Variants in ASB6 observed in about 807,000 individuals in gnomAD.
ASB6 encodes ankyrin repeat and SOCS box containing 6.
Under a neutral mutation model 28.6 loss-of-function variants are expected in ASB6, and 24 were observed. The observed-to-expected ratio is 0.84, with a 90% CI of 0.61 to 1.18. The LOEUF (loss-of-function observed/expected upper bound fraction) is 1.18, where lower values mean the gene tolerates loss of function less well. Ranked by LOEUF, ASB6 falls within the 50% of genes most tolerant of loss-of-function variation. The probability of loss-of-function intolerance (pLI) is 0.00; values close to 1 mark genes in which losing one functional copy is unlikely to be tolerated. For synonymous variants in ASB6, 267 were observed against 243.4 expected, an observed-to-expected ratio of 1.10 and a Z score of -0.90; for missense variants, 519 against 559.8, an observed-to-expected ratio of 0.93 and a Z score of 0.74.
Position 129,638,442 on chromosome 9 carries a change from G to A in ASB6, c.614C>T (p.Ala205Val). 1 of 1,610,056 alleles carries A rather than the reference G, an allele frequency of 6.2e-7. No individual in the cohort carries two copies. Among genetic ancestry groups the A allele is most frequent in the Non-Finnish European group, 8.5e-7 (1 of 1,177,134 alleles). The change falls in exon 6 of 6, where the codon GCC (alanine) becomes GTC (valine). Residue 205 changes from alanine to valine, a missense_variant. Physicochemically the swap from Ala to Val is moderately conservative, Grantham distance 64. Coordinates refer to ENST00000277458, the MANE Select transcript of ASB6 (RefSeq NM_017873.4). ...CACTGTGTCCCCATCTTTGGTGGTG[G>A]CCTTGACGTCTGCCCCTAGAAGAGC... is the stretch of plus-strand genomic sequence containing the variant. ...LLLEGGADVK[A>V]TTKDGDTVFT...
At chr9:129,639,862 C>G (rs924473444) in intron 2 of ASB6, among the ~76,000 whole-genome samples, 6 of 152,216 alleles carry the variant, frequency 3.9e-5, no homozygotes, top group African/African-American at 1.4e-4. Flanking sequence ...CCAAGCTGGT[C>G]TCCAAGTCAC....
intron 1 of ASB6, among the ~76,000 whole-genome samples, chr9:129,641,480 C>A (rs1032517218): frequency 6.6e-6 from 1 of 152,186 alleles, no homozygotes; most frequent in African/African-American, 2.4e-5. Flanking sequence ...CCTGCAGGTC[C>A]ACGACAGACC....
At chr9:129,640,813 T>A in intron 1 of ASB6, 91 bp from the exon 2 acceptor site, 1 of 1,473,096 alleles carries the variant, frequency 6.8e-7, no homozygotes, top group East Asian at 2.4e-5. Context: ...CCTGCTATCA[T>A]CATCAGCAAG....
At chr9:129,641,001 A>T (rs1831684691) in intron 1 of ASB6, 1 of 392,292 alleles carries the variant, frequency 2.5e-6, no homozygotes, top group Admixed American at 4.8e-5. Context: ...ACAAAGCCTC[A>T]CACACCTGGG....
At chr9:129,639,643 GT>G in intron 2 of ASB6, 135 bp from the exon 3 acceptor site, 2 of 775,434 alleles carry the variant, frequency 2.6e-6, no homozygotes, top group Non-Finnish European at 4.1e-6. Flanking sequence ...ACCATCAAGG[GT>G]TAGGACAGAG....
At position 129,637,628 on chromosome 9, in the gene ASB6, C is replaced by T. The variant is rs1831587720; in HGVS notation, c.*162G>A. On this transcript the variant is annotated 3_prime_UTR_variant, in exon 6 of 6. Coordinates refer to ENST00000277458, the MANE Select transcript of ASB6 (RefSeq NM_017873.4). ...AGAACCAGAGCTGCACCCTTCACCA[C>T]TGGAGTGATCACAGCTTCAGGCTCT... 9.0e-6 allele frequency: 6 copies of T among 667,276 alleles called. No individual in the cohort carries two copies. The highest frequency in any genetic ancestry group is 1.4e-5 in the Non-Finnish European group (6 of 431,612). The allele number at this position is 667,276 out of a possible 1,614,324, so 41.3% of individuals were successfully genotyped here.
At position 129,638,211 on chromosome 9, in the gene ASB6, T is replaced by G. The variant is rs1344402071; in HGVS notation, c.845A>C (p.Glu282Ala). The change falls in exon 6 of 6, where the codon GAG becomes GCG. Residue 282 changes from glutamate to alanine, a missense_variant. Physicochemically the swap from Glu to Ala is moderately radical, Grantham distance 107 (BLOSUM62 -1). Coordinates refer to ENST00000277458, the MANE Select transcript of ASB6 (RefSeq NM_017873.4). Reference sequence around the variant, plus strand: ...GGAGCAGTTGTAGGCGGCTCCGGACTCCAGGAGGAAGCGCAGGAGAGGGAA... The same window carrying G: ...GGAGCAGTTGTAGGCGGCTCCGGACGCCAGGAGGAAGCGCAGGAGAGGGAA... ...LHFPLLRFLL[E>A]SGAAYNCSLH... 1.9e-6 allele frequency: 3 copies of G among 1,613,534 alleles called. No individual in the cohort carries two copies. Among genetic ancestry groups the G allele is most frequent in the Non-Finnish European group, 2.5e-6 (3 of 1,179,834 alleles).
intron 2 of ASB6, 89 bp from the exon 3 acceptor site, chr9:129,639,597 C>T (rs1362734259): frequency 4.2e-6 from 5 of 1,177,056 alleles, no homozygotes; most frequent in Non-Finnish European, 6.0e-6. Context: ...AAACTCCCAC[C>T]TAAAGTGTCC....
chr9:129,639,070 C>G, intron 4 of ASB6, 132 bp downstream of exon 4: 1 of 899,550 alleles, frequency 1.1e-6, no homozygotes, highest in South Asian at 1.7e-5. Flanking sequence ...CCTGTGTGCC[C>G]AGCCATGCTG....
In ASB6 at chr9:129,639,423, G is replaced by A. The variant is rs375966860; in HGVS notation, c.381C>T (p.Ala127=). ...DMVELLVHHG[A]DVNRRDRIHE... Reference sequence around the variant, plus strand: ...TTACCCGGTCCCTCCGATTAACGTCGGCCCCGTGATGCACCAGCAGCTCCA... The same window carrying A: ...TTACCCGGTCCCTCCGATTAACGTCAGCCCCGTGATGCACCAGCAGCTCCA... Residue 127 remains alanine, a synonymous_variant, in exon 3 of 6, where the codon GCC becomes GCT. Transcript: ENST00000277458. The A allele has an allele frequency of 5.0e-6, 8 of 1,612,764 alleles. No individual in the cohort carries two copies. Among genetic ancestry groups the A allele is most frequent in the Middle Eastern group, 1.6e-4 (1 of 6,080 alleles).
Position 129,639,387 on chromosome 9 carries a change from G to A in ASB6, c.402+15C>T. On this transcript the variant is annotated intron_variant, in intron 3 of 5. Transcript: ENST00000277458. Reference sequence around the variant, plus strand: ...GCCCAACCCTGCTTCAAAGCAAGCTGGACCTGGCACTTACCCGGTCCCTCC... The same window carrying A: ...GCCCAACCCTGCTTCAAAGCAAGCTAGACCTGGCACTTACCCGGTCCCTCC... 6.2e-7 allele frequency: 1 copy of A among 1,604,078 alleles called. No individual in the cohort carries two copies. The highest frequency in any genetic ancestry group is 8.5e-7 in the Non-Finnish European group (1 of 1,172,062).
rs1456670702 is a variant in ASB6 at position 129,638,687 on chromosome 9, G to A, written c.512-28C>T. ...AGGGAGGGAGGGAGAGCAAGGAGGA[G>A]CAGGAGGCCAGGAAGCCCAGGTCAG... is the stretch of plus-strand genomic sequence containing the variant. On this transcript the variant is annotated intron_variant, in intron 4 of 5. Coordinates refer to ENST00000277458, the MANE Select transcript of ASB6 (RefSeq NM_017873.4). 3.1e-6 allele frequency: 5 copies of A among 1,595,334 alleles called. No homozygotes were observed. The African/African-American group carries it at 6.7e-5, about 21-fold the overall frequency.
intron 5 of ASB6, 29 bp from the exon 6 acceptor site, chr9:129,638,486 G>A (rs1216725761): frequency 4.4e-6 from 7 of 1,608,152 alleles, no homozygotes; most frequent in Non-Finnish European, 6.0e-6. Flanking sequence ...AAGAGATGCT[G>A]GGAGAAGGCC....
Position 129,638,212 on chromosome 9 carries a change from C to G in ASB6, c.844G>C (p.Glu282Gln), listed in dbSNP as rs779422763. 8 of 1,613,516 alleles carry G rather than the reference C, an allele frequency of 5.0e-6. No homozygotes were observed. The highest frequency in any genetic ancestry group is 1.7e-4 in the Middle Eastern group (1 of 6,060). ...GAGCAGTTGTAGGCGGCTCCGGACT[C>G]CAGGAGGAAGCGCAGGAGAGGGAAG... Reference protein sequence around the residue: ...LHFPLLRFLLESGAAYNCSLH... With the variant: ...LHFPLLRFLLQSGAAYNCSLH... The change falls in exon 6 of 6, where the codon GAG becomes CAG. Residue 282 changes from glutamate (E) to glutamine (Q), a missense_variant. Transcript: ENST00000277458.
chr9:129,635,202 C>T lies in ASB6; in HGVS notation c.*2588G>A, dbSNP rs112843113. On this transcript the variant is annotated 3_prime_UTR_variant, in exon 6 of 6. Coordinates refer to ENST00000277458, the MANE Select transcript of ASB6 (RefSeq NM_017873.4). ...GCCCTGGTAACCTTGCCTCTGCCCT[C>T]CCCAGGCCACCTCACCGATCAGCAC... The T allele has an allele frequency of 3.1e-6, 5 of 1,605,176 alleles. No homozygotes were observed. The African/African-American group carries it at 5.3e-5, about 17-fold the overall frequency.
intron 1 of ASB6, 62 bp from the exon 2 acceptor site, chr9:129,640,784 T>C: frequency 6.3e-7 from 1 of 1,588,530 alleles, no homozygotes; most frequent in South Asian, 1.1e-5. Flanking sequence ...GCGCAGCCTG[T>C]GGGTTGGTGG....
chr9:129,640,629 C>G lies in ASB6; in HGVS notation c.207G>C (p.Val69=), dbSNP rs2241247. The G allele has an allele frequency of 0.98, 1,576,138 of 1,614,030 alleles. 769,958 individuals are homozygous for G. The highest frequency in any genetic ancestry group is 0.98 in the Middle Eastern group (5,945 of 6,036). Residue 69 remains valine, a synonymous_variant, in exon 2 of 6, where the codon GTG becomes GTC. Coordinates refer to ENST00000277458, the MANE Select transcript of ASB6 (RefSeq NM_017873.4). ...KAHSPFYQEG[V]SNALLKMAEL... ...CAGCCATCTTGAGCAGGGCGTTGCT[C>G]ACGCCTTCCTGGTAAAAGGGAGAGT...
rs1394590208 is a variant in ASB6, at chr9:129,642,080, G to T, written c.-81C>A. On this transcript the variant is annotated 5_prime_UTR_variant, in exon 1 of 6. Coordinates refer to ENST00000277458, the MANE Select transcript of ASB6 (RefSeq NM_017873.4). The surrounding 1 kb of genome is among the most constrained non-coding windows in gnomAD (Gnocchi z 4.3). The stretch of plus-strand genomic sequence containing the variant: ...CAGACGCCGACCGGAACGCTCCGGC[G>T]GCCGCGGACCCCACCTGCTCCGCCA... 4.9e-6 allele frequency: 7 copies of T among 1,442,370 alleles called. No homozygotes were observed. Among genetic ancestry groups the T allele is most frequent in the Non-Finnish European group, 6.4e-6 (7 of 1,094,948 alleles). The allele number at this position is 1,442,370 out of a possible 1,614,324, so 89.3% of individuals were successfully genotyped here.
chr9:129,641,869 CGGGA>C lies in ASB6; in HGVS notation c.113+14_113+17del, dbSNP rs1159063575. On this transcript the variant is annotated intron_variant, in intron 1 of 5. Transcript: ENST00000277458. ...GGTCGGAGCGGCCTCGGCCAGCTCACGGGAGGGGGTGAGTTACCGGTCCAGAGAC... is the reference window on the plus strand; with the variant it reads ...GGTCGGAGCGGCCTCGGCCAGCTCACGGGGGTGAGTTACCGGTCCAGAGAC... 1 of 1,576,074 alleles carries C rather than the reference CGGGA, an allele frequency of 6.3e-7. No homozygotes were observed. Among genetic ancestry groups the C allele is most frequent in the Non-Finnish European group, 8.6e-7 (1 of 1,160,572 alleles).
Sources: allele counts gnomAD v4.1 joint callset (sites outside exome capture counted in the v4.1 genomes callset), GRCh38; gene constraint gnomAD v4.1.1; non-coding constraint Gnocchi (gnomAD v3.1); transcripts MANE v1.5; gene names NCBI Gene and HGNC (gene_info 2026-07-23, HGNC 2026-07-21).